RARB: variants seen among roughly 807,000 people sequenced by gnomAD.
RARB encodes the protein HBV-activated protein.
RARB carries 17 observed loss-of-function variants against 51.9 expected under a neutral mutation model. That is an observed-to-expected ratio of 0.33 (90% CI 0.22 to 0.49). The LOEUF (loss-of-function observed/expected upper bound fraction) is 0.49. Among genes scored for constraint, RARB ranks in the 20% least tolerant of loss-of-function variants. The pLI is 0.99. For synonymous variants in RARB, 215 were observed against 195.4 expected (o/e 1.10, Z -0.84); for missense variants, 369 against 550.8 (o/e 0.67, Z 3.30).
chr3:25,114,169 T>G (rs1699648290), intron 3 of RARB, among the ~76,000 whole-genome samples: 2 of 152,208 alleles, frequency 1.3e-5, no homozygotes, highest in African/African-American at 2.4e-5. Flanking sequence ...TATTTGTGTT[T>G]AAAGCCTTTT....
intron 5 of RARB, among the ~76,000 whole-genome samples, chr3:25,314,271 A>G (rs1205483031): frequency 1.3e-5 from 2 of 152,194 alleles, no homozygotes; most frequent in Non-Finnish European, 2.9e-5. Context: ...GTTTCTTTTG[A>G]TAACAGTTTT....
chr3:24,870,093 A>AG (rs1702920265), intron 2 of RARB, among the ~76,000 whole-genome samples: 1 of 152,062 alleles, frequency 6.6e-6, no homozygotes. Context: ...TTCTTTGTAT[A>AG]TCCTGGAGAC....
intron 2 of RARB, among the ~76,000 whole-genome samples, chr3:25,466,244 G>T (rs1217749817): frequency 1.3e-5 from 2 of 152,196 alleles, no homozygotes; most frequent in African/African-American, 2.4e-5. Context: ...CTGGAGTGCA[G>T]TGGCGCGATC....
chr3:25,543,156 C>T (rs773705620), intron 3 of RARB, among the ~76,000 whole-genome samples: 154 of 152,264 alleles, frequency 1.0e-3, no homozygotes, highest in Non-Finnish European at 1.7e-3. Context: ...CCGAAAATGT[C>T]AGTCATGCCA....
chr3:24,975,258 T>A (rs962891227), intron 2 of RARB, among the ~76,000 whole-genome samples: 1 of 152,140 alleles, frequency 6.6e-6, no homozygotes, highest in South Asian at 2.1e-4. Flanking sequence ...TGTTAGTTGC[T>A]CAATAAATGA....
intron 3 of RARB, among the ~76,000 whole-genome samples, chr3:25,070,603 G>A (rs1189753394): frequency 6.6e-6 from 1 of 152,190 alleles, no homozygotes; most frequent in South Asian, 2.1e-4. Context: ...GGATACAGTA[G>A]TGATTAGTAA....
intron 3 of RARB, among the ~76,000 whole-genome samples, chr3:25,519,994 G>A (rs547468581): frequency 3.9e-5 from 6 of 152,250 alleles, no homozygotes; most frequent in African/African-American, 1.4e-4. Flanking sequence ...ATAATCAGGG[G>A]TCAGCCTATG....
chr3:25,447,021 A>G (rs1255720739), intron 1 of RARB, among the ~76,000 whole-genome samples: 1 of 151,616 alleles, frequency 6.6e-6, no homozygotes, highest in African/African-American at 2.4e-5. Context: ...AAAAAAAGAA[A>G]AAAAAAAACT....
intron 5 of RARB, among the ~76,000 whole-genome samples, chr3:25,267,141 G>A (rs765884463): frequency 6.6e-6 from 1 of 152,198 alleles, no homozygotes; most frequent in African/African-American, 2.4e-5. Flanking sequence ...GCTAGCTACA[G>A]CAGATTGTAC....
intron 2 of RARB, among the ~76,000 whole-genome samples, chr3:24,955,587 CA>C (rs1334382927): frequency 6.6e-6 from 1 of 152,100 alleles, no homozygotes; most frequent in East Asian, 1.9e-4. Context: ...AATCACCTGA[CA>C]AAAGGCAGAT....
At chr3:25,355,906 T>C (rs1705718692) in intron 5 of RARB, among the ~76,000 whole-genome samples, 1 of 152,136 alleles carries the variant, frequency 6.6e-6, no homozygotes, top group South Asian at 2.1e-4. Context: ...GCGTCTATAA[T>C]GAACTTAGCT....
In RARB at chr3:25,461,810, A is replaced by C. The variant is rs534889179; in HGVS notation, c.306+469A>C. 4.8e-4 allele frequency among the ~76,000 whole-genome samples: 73 copies of C among 152,204 alleles called. 1 individual carries two copies. Among genetic ancestry groups the C allele is most frequent in the Admixed American group, 5.9e-4 (9 of 15,280 alleles). ...CTCAGGAGGCTGAGACACGAGAATC[A>C]CTTGAAACTGGGAAGCAGCGGTTGC... On this transcript the variant is annotated intron_variant, in intron 2 of 7. Transcript: ENST00000330688.
At chr3:25,396,701 G>T (rs140944115) in intron 5 of RARB, among the ~76,000 whole-genome samples, 188 of 152,194 alleles carry the variant, frequency 1.2e-3, no homozygotes, top group African/African-American at 4.3e-3. Context: ...CTTTGGGTGG[G>T]GTTTGCTGTG....
chr3:25,157,230 A>G (rs909260411), intron 4 of RARB, among the ~76,000 whole-genome samples: 1 of 152,174 alleles, frequency 6.6e-6, no homozygotes, highest in African/African-American at 2.4e-5. Context: ...TGGCTTAAAC[A>G]TGCTTAAACT....
At chr3:25,177,660 C>T (rs929711060) in intron 5 of RARB, among the ~76,000 whole-genome samples, 1 of 152,180 alleles carries the variant, frequency 6.6e-6, no homozygotes, top group Non-Finnish European at 1.5e-5. Flanking sequence ...GTTATACCTG[C>T]TTGTCACTCT....
At chr3:24,998,893 A>G (rs1329739983) in intron 2 of RARB, among the ~76,000 whole-genome samples, 1 of 152,154 alleles carries the variant, frequency 6.6e-6, no homozygotes, top group South Asian at 2.1e-4. Context: ...TACATAATAA[A>G]TATTGTGCTA....
intron 5 of RARB, among the ~76,000 whole-genome samples, chr3:25,380,462 T>C (rs1248232137): frequency 6.6e-6 from 1 of 152,178 alleles, no homozygotes; most frequent in Non-Finnish European, 1.5e-5. Flanking sequence ...AGGAATGCAG[T>C]TATGTGACCA....
chr3:25,050,834 C>T (rs892489478), intron 2 of RARB, among the ~76,000 whole-genome samples: 1 of 152,088 alleles, frequency 6.6e-6, no homozygotes, highest in Non-Finnish European at 1.5e-5. Flanking sequence ...TATGAAAATG[C>T]CATATACTAG....
chr3:25,312,913 C>T (rs1463812600), intron 5 of RARB, among the ~76,000 whole-genome samples: 1 of 152,192 alleles, frequency 6.6e-6, no homozygotes, highest in Non-Finnish European at 1.5e-5. Flanking sequence ...CTGTACTTTT[C>T]ATCACACTAC....
Sources: gnomAD v4.1 joint callset for allele counts (sites outside exome capture counted in the v4.1 genomes callset) on GRCh38, gnomAD v4.1.1 for gene constraint, MANE v1.5 for transcripts, NCBI Gene and HGNC (gene_info 2026-07-23, HGNC 2026-07-21) for gene names.